The following TLCD3A variants were observed in gnomAD, a reference collection of about 807,000 sequenced individuals.
The protein encoded by TLCD3A is TLC domain containing 3A.
Under a neutral mutation model 29.9 loss-of-function variants are expected in TLCD3A, and 17 were observed. The observed-to-expected ratio is 0.57, with a 90% CI of 0.39 to 0.85. The LOEUF is 0.85. TLCD3A is among the 40% of genes least tolerant of loss of function. TLCD3A has a pLI of 0.00. For missense variants in TLCD3A, 332 were observed against 350.8 expected, an observed-to-expected ratio of 0.95 and a Z score of 0.43; for synonymous variants, 143 against 147.7, an observed-to-expected ratio of 0.97 and a Z score of 0.23.
At position 740,610 on chromosome 17, in the gene TLCD3A, A is replaced by C. The variant is rs764060764; in HGVS notation, c.504+10A>C. On this transcript the variant is annotated intron_variant, in intron 4 of 4. Coordinates refer to ENST00000308278, the MANE Select transcript of TLCD3A (RefSeq NM_024792.3). Reference sequence around the variant, plus strand: ...CAGGGTTCTGATTCAGGCATGTATGAATGAAATGACAGAGAGTGTGAGGGT... The same window carrying C: ...CAGGGTTCTGATTCAGGCATGTATGCATGAAATGACAGAGAGTGTGAGGGT... 71 of 1,607,398 alleles carry C rather than the reference A, an allele frequency of 4.4e-5. No homozygotes were observed. The highest frequency in any genetic ancestry group is 5.1e-5 in the Non-Finnish European group (60 of 1,174,690).
intron 4 of TLCD3A, 139 bp downstream of exon 4, chr17:740,739 G>T: frequency 2.3e-6 from 2 of 878,502 alleles, no homozygotes; most frequent in Non-Finnish European, 3.5e-6. Flanking sequence ...ATTCAGGCAT[G>T]TATGAATGAA....
rs1227406732 is a variant in TLCD3A at position 741,404 on chromosome 17, A to G, written c.608A>G (p.Tyr203Cys). The change falls in exon 5 of 5, where the codon TAT becomes TGT. Residue 203 changes from tyrosine to cysteine, a missense_variant. Coordinates refer to ENST00000308278, the MANE Select transcript of TLCD3A (RefSeq NM_024792.3). ...ILLFPFMYWS[Y>C]GRQQGLSLLQ... ...CTCTTCCCCTTCATGTACTGGTCCT[A>G]TGGCCGCCAGCAGGGACTAAGCCTG... 2 of 1,613,982 alleles carry G rather than the reference A, an allele frequency of 1.2e-6. No individual in the cohort carries two copies. The highest frequency in any genetic ancestry group is 1.7e-5 in the Admixed American group (1 of 59,998).
intron 3 of TLCD3A, 135 bp downstream of exon 3, chr17:738,182 G>A (rs1315304496): frequency 1.0e-5 from 7 of 679,074 alleles, no homozygotes; most frequent in African/African-American, 7.7e-5. Flanking sequence ...TGCAACCTCC[G>A]CCTCCCGGGT....
intron 4 of TLCD3A, among the ~76,000 whole-genome samples, chr17:740,851 G>C (rs979297482): frequency 6.6e-6 from 1 of 152,120 alleles, no homozygotes; most frequent in African/African-American, 2.4e-5. Flanking sequence ...GATGGTGGGT[G>C]TGGAGAAATC....
At chr17:738,341 C>T (rs958884242) in intron 3 of TLCD3A, among the ~76,000 whole-genome samples, 27 of 152,078 alleles carry the variant, frequency 1.8e-4, no homozygotes, top group Non-Finnish European at 3.7e-4. Context: ...AGTGATCCGC[C>T]CGCCTCGGCC....
At chr17:741,238 C>T in intron 4 of TLCD3A, 63 bp from the exon 5 acceptor site, 1 of 1,568,626 alleles carries the variant, frequency 6.4e-7, no homozygotes, top group Non-Finnish European at 8.7e-7. Flanking sequence ...GGACTTGGGC[C>T]CGTCGCTCCC....
chr17:732,686 G>C lies in TLCD3A; in HGVS notation c.39G>C (p.Pro13=), dbSNP rs1305262086. Residue 13 remains proline, a synonymous_variant, in exon 1 of 5, where the codon CCG becomes CCC. Transcript: ENST00000308278. Reference sequence around the variant, plus strand: ...TGGCCGGGGGCGCGCTCTTCTTCCCGGGGCTCTTCGCGCTCTGCACCTGGG... The same window carrying C: ...TGGCCGGGGGCGCGCTCTTCTTCCCCGGGCTCTTCGCGCTCTGCACCTGGG... ...LTLAGGALFF[P]GLFALCTWAL... 7 of 1,421,116 alleles carry C rather than the reference G, an allele frequency of 4.9e-6. No homozygotes were observed. The highest frequency in any genetic ancestry group is 3.1e-5 in the East Asian group (1 of 31,862). 88.0% of individuals were successfully genotyped at this position (1,421,116 alleles called of 1,614,324 possible).
chr17:734,988 G>A (rs1444578596), intron 2 of TLCD3A, among the ~76,000 whole-genome samples: 2 of 148,868 alleles, frequency 1.3e-5, no homozygotes, highest in African/African-American at 5.0e-5. Context: ...AGCCTGTATA[G>A]TACCTTTTAA....
chr17:734,184 TCTTC>T (rs1165610980), intron 2 of TLCD3A, among the ~76,000 whole-genome samples: 21 of 126,054 alleles, frequency 1.7e-4, no homozygotes, highest in East Asian at 5.8e-4. Context: ...TTCTTCTTCT[TCTTC>T]TTCTTTTTTT....
At chr17:733,582 C>T (rs2295479) in intron 2 of TLCD3A, among the ~76,000 whole-genome samples, 33,537 of 152,104 alleles carry the variant, frequency 0.22, 4,225 homozygotes, top group South Asian at 0.29. Flanking sequence ...CCACCACCCC[C>T]TTCCACGCAA....
intron 3 of TLCD3A, among the ~76,000 whole-genome samples, chr17:739,059 CCTA>C (rs1295588129): frequency 2.0e-5 from 3 of 152,174 alleles, no homozygotes; most frequent in African/African-American, 7.2e-5. Context: ...CAAATAGCCT[CCTA>C]CTTTCTCCCC....
Position 733,107 on chromosome 17 carries a change from C to T in TLCD3A, c.132C>T (p.Ser44=), listed in dbSNP as rs1405365324. 1.3e-6 allele frequency: 2 copies of T among 1,590,168 alleles called. No homozygotes were observed. Among genetic ancestry groups the T allele is most frequent in the East Asian group, 2.3e-5 (1 of 43,094 alleles). ...TCTCCGCCCGCGCTAGGCTGGTTTC[C>T]TCGGTGCACGCCGTGCTGGCCACCG... ...DCVMISTRLV[S]SVHAVLATGS... is the part of the protein sequence containing the mutation. The change falls in exon 2 of 5, where the codon TCC becomes TCT. Residue 44 remains serine (S), a synonymous_variant. Transcript: ENST00000308278.
chr17:740,624 G>A, intron 4 of TLCD3A, 24 bp downstream of exon 4: 1 of 1,591,352 alleles, frequency 6.3e-7, no homozygotes, highest in East Asian at 2.2e-5. Context: ...AAATGACAGA[G>A]AGTGTGAGGG....
Position 737,934 on chromosome 17 carries a change from A to C in TLCD3A, c.295A>C (p.Thr99Pro). ...YAMYLCEWCR[T>P]RDQNRAPSLT... The stretch of plus-strand genomic sequence containing the variant: ...CATGTACCTCTGTGAATGGTGCCGA[A>C]CCAGAGACCAGAACCGTGCGCCCTC... Residue 99 changes from threonine (T) to proline (P), a missense_variant, in exon 3 of 5, where the codon ACC becomes CCC. Thr to Pro is a conservative substitution (Grantham distance 38). Transcript: ENST00000308278. The C allele has an allele frequency of 6.2e-7, 1 of 1,614,064 alleles. No homozygotes were observed. The highest frequency in any genetic ancestry group is 8.5e-7 in the Non-Finnish European group (1 of 1,180,026).
chr17:735,792 C>T (rs940936623), intron 2 of TLCD3A, among the ~76,000 whole-genome samples: 63 of 151,590 alleles, frequency 4.2e-4, no homozygotes, highest in African/African-American at 1.5e-3. Flanking sequence ...TGGTGAAACC[C>T]CCATCGCTAC....
rs371294933 is a variant in TLCD3A at position 738,096 on chromosome 17, C to CTTT, written c.408+64_408+66dup. 255 of 503,140 alleles carry CTTT rather than the reference C, an allele frequency of 5.1e-4. 1 individual carries two copies. Among genetic ancestry groups the CTTT allele is most frequent in the East Asian group, 1.6e-3 (28 of 17,794 alleles). The allele number at this position is 503,140 out of a possible 1,614,324, so 31.2% of individuals were successfully genotyped here. A position where few individuals can be genotyped will look rare whatever the true frequency, so the allele number is the denominator to read the frequency against. On this transcript the variant is annotated intron_variant, in intron 3 of 4. Coordinates refer to ENST00000308278, the MANE Select transcript of TLCD3A (RefSeq NM_024792.3). ...CCAGCAGCTGGGTTGAGCTGGGTGT[C>CTTT]TTTTTTTTTTTTTTTTTCTGAGACA...
chr17:739,512 T>C (rs1312535159), intron 3 of TLCD3A, among the ~76,000 whole-genome samples: 2 of 151,992 alleles, frequency 1.3e-5, no homozygotes, highest in African/African-American at 4.8e-5. Context: ...ATTTTATTTT[T>C]TAAATAAAGA....
intron 3 of TLCD3A, among the ~76,000 whole-genome samples, chr17:739,529 G>A (rs189309533): frequency 1.2e-3 from 178 of 152,070 alleles, no homozygotes; most frequent in African/African-American, 3.4e-3. Context: ...AAGAGATGGG[G>A]GTCTCCTTAT....
intron 2 of TLCD3A, among the ~76,000 whole-genome samples, chr17:735,301 C>T (rs568987049): frequency 1.7e-4 from 26 of 152,320 alleles, no homozygotes; most frequent in African/African-American, 5.5e-4. Context: ...CATGAGCCAC[C>T]GTGCCCGGCC....
Sources: gnomAD v4.1 joint callset for allele counts (sites outside exome capture counted in the v4.1 genomes callset) on GRCh38, gnomAD v4.1.1 for gene constraint, MANE v1.5 for transcripts, NCBI Gene and HGNC (gene_info 2026-07-23, HGNC 2026-07-21) for gene names.